The following DENND2A variants were observed in gnomAD, a reference collection of about 807,000 sequenced individuals.
The protein encoded by DENND2A is DENN domain containing 2A.
In DENND2A, 53 loss-of-function variants were observed where a neutral mutation model predicts 105.3. The observed-to-expected ratio is 0.50, with a 90% CI of 0.40 to 0.63. DENND2A has a LOEUF of 0.63. Among genes scored for constraint, DENND2A ranks in the 30% least tolerant of loss-of-function variants. The probability of loss-of-function intolerance (pLI) is 0.00; values close to 1 mark genes in which losing one functional copy is unlikely to be tolerated. For synonymous variants in DENND2A, 522 were observed against 508.4 expected (o/e 1.03, Z -0.36); for missense variants, 1,138 against 1,279.6 (o/e 0.89, Z 1.69).
intron 1 of DENND2A, among the ~76,000 whole-genome samples, chr7:140,626,783 T>C (rs544107962): frequency 3.3e-5 from 5 of 152,294 alleles, no homozygotes; most frequent in Admixed American, 2.6e-4. Flanking sequence ...GGAGACGTCA[T>C]CTTCCATCCC....
At chr7:140,620,063 G>T (rs1477964063) in intron 1 of DENND2A, among the ~76,000 whole-genome samples, 2 of 151,756 alleles carry the variant, frequency 1.3e-5, no homozygotes, top group African/African-American at 2.4e-5. Context: ...GGGCATGGTG[G>T]CGGGCGCCTG....
rs778250609 is a variant in DENND2A at position 140,640,099 on chromosome 7, GCACACACTCA to G, written c.-248+395_-248+404del. 3.3e-5 allele frequency: 5 copies of G among 152,718 alleles called. No individual in the cohort carries two copies. The highest frequency in any genetic ancestry group is 5.8e-5 in the Non-Finnish European group (4 of 68,544). The allele number at this position is 152,718 out of a possible 1,614,324, so 9.5% of individuals were successfully genotyped here. ...CGATGCCCCGCGCTTGCACGCGCAC[GCACACACTCA>G]CACACACTCGCACAGACACACTCAC... On this transcript the variant is annotated intron_variant, in intron 1 of 19. Coordinates refer to ENST00000496613, the MANE Select transcript of DENND2A (RefSeq NM_015689.5). The surrounding 1 kb of genome is among the most constrained non-coding windows in gnomAD (Gnocchi z 4.9).
At chr7:140,631,595 A>G (rs1378700154) in intron 1 of DENND2A, among the ~76,000 whole-genome samples, 2 of 152,114 alleles carry the variant, frequency 1.3e-5, no homozygotes, top group Non-Finnish European at 2.9e-5. Flanking sequence ...AGTCAGCTGG[A>G]GGGTAAACAG....
intron 5 of DENND2A, among the ~76,000 whole-genome samples, chr7:140,580,406 G>A (rs1798494606): frequency 1.3e-5 from 2 of 152,194 alleles, no homozygotes; most frequent in South Asian, 4.1e-4. Flanking sequence ...TGCAGCCTTG[G>A]ACTCCTGGGT....
chr7:140,569,787 G>A (rs1482980472), intron 6 of DENND2A, 49 bp from the exon 7 acceptor site: 1 of 1,342,068 alleles, frequency 7.5e-7, no homozygotes, highest in Non-Finnish European at 1.1e-6. Flanking sequence ...CCCACTCTCT[G>A]TGGCAGCTGG....
chr7:140,565,885 C>T (rs1303093587), intron 9 of DENND2A, among the ~76,000 whole-genome samples: 2 of 152,176 alleles, frequency 1.3e-5, no homozygotes, highest in Admixed American at 6.5e-5. Flanking sequence ...TGGTAGTCCT[C>T]ACTGCTACAC....
At position 140,522,010 on chromosome 7, in the gene DENND2A, G is replaced by A. The variant is rs202112514; in HGVS notation, c.2756C>T (p.Thr919Met). The A allele has an allele frequency of 7.9e-5, 127 of 1,614,188 alleles. No homozygotes were observed. In the African/African-American group the frequency reaches 1.5e-3, roughly 19 times the overall value. ...EIVGHYSLFLTSGEREERTLQ... is the reference protein window; with the variant it reads ...EIVGHYSLFLMSGEREERTLQ... ...GGTTCTCTCCTCACGCTCGCCCGAC[G>A]TCAGGAACAAAGAGTAGTGTCCCAC... The change falls in exon 18 of 20, where the codon ACG (threonine) becomes ATG (methionine). Residue 919 changes from threonine (T) to methionine (M), a missense_variant. By Grantham distance (81) the Thr-to-Met change is moderately conservative. Coordinates refer to ENST00000496613, the MANE Select transcript of DENND2A (RefSeq NM_015689.5).
chr7:140,541,672 C>A (rs1238469735), intron 14 of DENND2A, among the ~76,000 whole-genome samples: 2 of 152,194 alleles, frequency 1.3e-5, no homozygotes, highest in African/African-American at 2.4e-5. Context: ...GGGCTGAATT[C>A]CCCAGTGCCC....
chr7:140,539,293 C>CA (rs1250157795), intron 14 of DENND2A, among the ~76,000 whole-genome samples: 1 of 152,148 alleles, frequency 6.6e-6, no homozygotes, highest in Admixed American at 6.6e-5. Context: ...CCCATGGAGT[C>CA]AGAGAGTTTC....
chr7:140,624,854 TTTTG>T (rs1800452327), intron 1 of DENND2A, among the ~76,000 whole-genome samples: 1 of 142,848 alleles, frequency 7.0e-6, no homozygotes, highest in African/African-American at 3.0e-5. Flanking sequence ...TCTTTGTTTT[TTTTG>T]TTTTTTTTTG....
chr7:140,601,597 T>G lies in DENND2A; in HGVS notation c.801A>C (p.Pro267=), dbSNP rs1339638016. Residue 267 remains proline (P), a synonymous_variant, in exon 3 of 20, where the codon CCA becomes CCC. Transcript: ENST00000496613. ...SPTKPFINPL[P]KPRRTFKHAG... is the part of the protein sequence containing the mutation. ...CATGTTTGAACGTTCTCCGGGGTTT[T>G]GGCAGAGGGTTGATGAAGGGCTTTG... 6.2e-7 allele frequency: 1 copy of G among 1,614,050 alleles called. No individual in the cohort carries two copies.
At chr7:140,589,952 A>C (rs1798941407) in intron 3 of DENND2A, among the ~76,000 whole-genome samples, 1 of 152,214 alleles carries the variant, frequency 6.6e-6, no homozygotes, top group Non-Finnish European at 1.5e-5. Flanking sequence ...ATATTTGTAT[A>C]GGTCAAATTT....
intron 9 of DENND2A, among the ~76,000 whole-genome samples, chr7:140,561,298 A>G (rs1020241923): frequency 6.6e-6 from 1 of 152,164 alleles, no homozygotes; most frequent in Admixed American, 6.5e-5. Context: ...TGTGAGGAGA[A>G]TTGTAGGCTT....
chr7:140,629,425 G>C (rs563377134), intron 1 of DENND2A, among the ~76,000 whole-genome samples: 14 of 152,244 alleles, frequency 9.2e-5, no homozygotes, highest in Admixed American at 7.2e-4. Flanking sequence ...ATGGAGTAAA[G>C]AACAAGGCAA....
rs369041194 is a variant in DENND2A at position 140,583,907 on chromosome 7, C to A, written c.1245+1682G>T. On this transcript the variant is annotated intron_variant, in intron 5 of 19. Transcript: ENST00000496613. ...TGCCACTGCACTCCAGCCTGGGCGA[C>A]AGAGCAAGACTCCGTCTCGAAAAAA... Among the ~76,000 whole-genome samples, 15 of 133,662 alleles carry A rather than the reference C, an allele frequency of 1.1e-4. No homozygotes were observed. In the East Asian group the frequency reaches 1.6e-3, roughly 15 times the overall value. The allele number at this position is 133,662 out of a possible 152,430, so 87.7% of individuals were successfully genotyped here.
chr7:140,579,740 G>A (rs768914297), intron 5 of DENND2A, among the ~76,000 whole-genome samples: 4 of 152,142 alleles, frequency 2.6e-5, no homozygotes, highest in East Asian at 1.9e-4. Context: ...GAGAAAATCC[G>A]GGAGGAAATA....
At chr7:140,581,593 G>C (rs191565041) in intron 5 of DENND2A, among the ~76,000 whole-genome samples, 115 of 152,266 alleles carry the variant, frequency 7.6e-4, no homozygotes, top group Non-Finnish European at 2.6e-4. Flanking sequence ...ATGAATATTT[G>C]ATGAGCTAAT....
intron 9 of DENND2A, among the ~76,000 whole-genome samples, chr7:140,566,707 G>GTT (rs1382387963): frequency 2.1e-5 from 1 of 48,674 alleles, no homozygotes; most frequent in Non-Finnish European, 3.9e-5. Flanking sequence ...TTTTTTTTGA[G>GTT]ACGGAGTTTT....
rs1798195555 is a variant in DENND2A at position 140,573,895 on chromosome 7, G to A, written c.1359C>T (p.Ser453=). 2 of 1,614,048 alleles carry A rather than the reference G, an allele frequency of 1.2e-6. No individual in the cohort carries two copies. The highest frequency in any genetic ancestry group is 1.7e-6 in the Non-Finnish European group (2 of 1,180,034). The part of the protein sequence containing the change: ...RDGTGSPSKI[S]PPSTPSSPDD... Reference sequence around the variant, plus strand: ...CAGGGCTGCTGGGAGTGGAGGGAGGGCTGATTTTGGAAGGGGACCCAGTTC... The same window carrying A: ...CAGGGCTGCTGGGAGTGGAGGGAGGACTGATTTTGGAAGGGGACCCAGTTC... Residue 453 remains serine (S), a synonymous_variant, in exon 6 of 20, where the codon AGC becomes AGT. Transcript: ENST00000496613.
Sources: gnomAD v4.1 joint callset for allele counts (sites outside exome capture counted in the v4.1 genomes callset) on GRCh38, gnomAD v4.1.1 for gene constraint, Gnocchi (gnomAD v3.1) non-coding constraint, MANE v1.5 for transcripts, NCBI Gene and HGNC (gene_info 2026-07-23, HGNC 2026-07-21) for gene names.